Variants in RAP1GDS1 observed in about 807,000 individuals in gnomAD.
The protein encoded by RAP1GDS1 is RAP1, GTP-GDP dissociation stimulator 1.
RAP1GDS1 carries 35 observed loss-of-function variants against 71.1 expected under a neutral mutation model. The ratio of observed to expected loss-of-function variants is 0.49; its 90% CI spans 0.38 to 0.65. RAP1GDS1 has a LOEUF of 0.65. Among genes scored for constraint, RAP1GDS1 ranks in the 30% least tolerant of loss-of-function variants. The pLI, the probability that RAP1GDS1 is intolerant of heterozygous loss-of-function variation, is 0.00. For missense variants in RAP1GDS1, 663 were observed against 706.1 expected (o/e 0.94, Z 0.69); for synonymous variants, 229 against 243.1 (o/e 0.94, Z 0.54).
intron 1 of RAP1GDS1, among the ~76,000 whole-genome samples, chr4:98,289,931 G>GA (rs1726681084): frequency 6.6e-6 from 1 of 151,874 alleles, no homozygotes; most frequent in Non-Finnish European, 1.5e-5. Flanking sequence ...GATGTGGATA[G>GA]TGATGCTTTC....
intron 3 of RAP1GDS1, among the ~76,000 whole-genome samples, chr4:98,344,019 G>A (rs1460504873): frequency 2.6e-5 from 4 of 152,082 alleles, no homozygotes; most frequent in Non-Finnish European, 4.4e-5. Context: ...ATTCTTTAAA[G>A]TGAAGGAATT....
intron 9 of RAP1GDS1, among the ~76,000 whole-genome samples, chr4:98,418,160 T>C (rs972979013): frequency 6.6e-6 from 1 of 152,178 alleles, no homozygotes; most frequent in Non-Finnish European, 1.5e-5. Flanking sequence ...TTTTTGGGAG[T>C]GACTTCCTAA....
intron 1 of RAP1GDS1, among the ~76,000 whole-genome samples, chr4:98,282,836 T>C (rs990378913): frequency 6.6e-6 from 1 of 152,184 alleles, no homozygotes; most frequent in African/African-American, 2.4e-5. Flanking sequence ...TTCTCATTGG[T>C]TTCAAAGAAC....
intron 6 of RAP1GDS1, among the ~76,000 whole-genome samples, chr4:98,397,582 G>C (rs1211773893): frequency 3.3e-5 from 5 of 152,088 alleles, no homozygotes; most frequent in Non-Finnish European, 5.9e-5. Context: ...TGGGAAGAAA[G>C]GCAATAACTT....
chr4:98,355,414 A>C (rs888417983), intron 4 of RAP1GDS1, among the ~76,000 whole-genome samples: 3 of 152,136 alleles, frequency 2.0e-5, no homozygotes, highest in Admixed American at 1.3e-4. Flanking sequence ...CAAATGAATA[A>C]TTTTTTTAAC....
intron 1 of RAP1GDS1, 119 bp downstream of exon 1, chr4:98,261,688 C>A (rs1721993948): frequency 7.7e-7 from 1 of 1,305,282 alleles, no homozygotes; most frequent in Non-Finnish European, 1.1e-6. Flanking sequence ...GGGTGTGAGA[C>A]GGTGGCTGTT....
intron 1 of RAP1GDS1, among the ~76,000 whole-genome samples, chr4:98,274,953 A>G (rs1228404585): frequency 6.6e-6 from 1 of 151,702 alleles, no homozygotes; most frequent in Non-Finnish European, 1.5e-5. Context: ...TTAACTCCCC[A>G]TGGGTAACTG....
intron 1 of RAP1GDS1, among the ~76,000 whole-genome samples, chr4:98,286,274 A>G (rs1445812988): frequency 6.6e-6 from 1 of 151,856 alleles, no homozygotes; most frequent in Non-Finnish European, 1.5e-5. Flanking sequence ...CAAAAAAAAA[A>G]AAAAAAATTA....
chr4:98,269,749 G>T (rs1020751412), intron 1 of RAP1GDS1, among the ~76,000 whole-genome samples: 3 of 152,064 alleles, frequency 2.0e-5, no homozygotes, highest in Non-Finnish European at 2.9e-5. Flanking sequence ...TTGGATTTTT[G>T]GTTTCAGATT....
At chr4:98,293,287 G>C (rs988380937) in intron 1 of RAP1GDS1, 121 bp from the exon 2 acceptor site, 1 of 627,304 alleles carries the variant, frequency 1.6e-6, no homozygotes, top group East Asian at 2.9e-5. Context: ...TGGAATGTAC[G>C]TGGAGGTTAA....
At chr4:98,369,093 C>T (rs554857520) in intron 4 of RAP1GDS1, among the ~76,000 whole-genome samples, 2 of 152,200 alleles carry the variant, frequency 1.3e-5, no homozygotes, top group South Asian at 4.1e-4. Context: ...AGGGGAACTG[C>T]CCTTTATAAA....
At chr4:98,387,156 C>T (rs914886094) in intron 5 of RAP1GDS1, among the ~76,000 whole-genome samples, 4 of 152,166 alleles carry the variant, frequency 2.6e-5, no homozygotes, top group Admixed American at 6.5e-5. Context: ...TACTAATGTA[C>T]AGACTGTATT....
rs397994660 is a variant in RAP1GDS1 at position 98,443,015 on chromosome 4, A to ATTTTTTTTTTTTT, written c.*909_*921dup. 14 of 138,308 alleles carry ATTTTTTTTTTTTT rather than the reference A, an allele frequency of 1.0e-4. No homozygotes were observed. The highest frequency in any genetic ancestry group is 2.8e-4 in the African/African-American group (7 of 25,348). The allele number at this position is 138,308 out of a possible 1,614,324, so 8.6% of individuals were successfully genotyped here. A position where few individuals can be genotyped will look rare whatever the true frequency, so the allele number is the denominator to read the frequency against. ...TGAGTATAGTTCATTGAAGAATGGAATTTTTTTTTTTTTTTTTTTTTTTGC... is the reference window on the plus strand; with the variant it reads ...TGAGTATAGTTCATTGAAGAATGGAATTTTTTTTTTTTTTTTTTTTTTTTTTTTTTTTTTTTGC... On this transcript the variant is annotated 3_prime_UTR_variant, in exon 15 of 15. Coordinates refer to ENST00000408927, the MANE Select transcript of RAP1GDS1 (RefSeq NM_001100427.2).
intron 1 of RAP1GDS1, among the ~76,000 whole-genome samples, chr4:98,277,501 A>G (rs1724398460): frequency 1.3e-5 from 2 of 152,178 alleles, no homozygotes; most frequent in African/African-American, 4.8e-5. Flanking sequence ...ATTCTTCGTC[A>G]TAACACCAGT....
At chr4:98,282,151 T>G (rs1299001916) in intron 1 of RAP1GDS1, among the ~76,000 whole-genome samples, 5 of 152,234 alleles carry the variant, frequency 3.3e-5, no homozygotes, top group Admixed American at 6.5e-5. Flanking sequence ...ATTCCCTCTT[T>G]TTCTATTGAT....
In RAP1GDS1 at chr4:98,289,412, A is replaced by G. The variant is rs548545533; in HGVS notation, c.5-3996A>G. On this transcript the variant is annotated intron_variant, in intron 1 of 14. Transcript: ENST00000408927. ...TTTAGAAAAGAATTTAATTCTCACA[A>G]TTGTGAAAATGAAAGTGTGCTTGGG... is the stretch of plus-strand genomic sequence containing the variant. Among the ~76,000 whole-genome samples the G allele has an allele frequency of 8.5e-5, 13 of 152,202 alleles. No homozygotes were observed. The South Asian group carries it at 2.5e-3, about 29-fold the overall frequency.
Position 98,433,944 on chromosome 4 carries a change from T to G in RAP1GDS1, c.1449T>G (p.Ile483Met). 6.2e-7 allele frequency: 1 copy of G among 1,605,076 alleles called. No individual in the cohort carries two copies. The highest frequency in any genetic ancestry group is 8.5e-7 in the Non-Finnish European group (1 of 1,172,100). ...GATATTATTTATTGTAGGATGTAAT[T>G]AAAACCATTGTGCAGAGTGGTGGCA... ...LIRHSKSKDV[I>M]KTIVQSGGIK... Residue 483 changes from isoleucine to methionine, a missense_variant, in exon 13 of 15, where the codon ATT becomes ATG. Physicochemically the swap from Ile to Met is conservative, Grantham distance 10. Transcript: ENST00000408927.
At position 98,293,430 on chromosome 4, in the gene RAP1GDS1, G is replaced by A. The variant is rs762577172; in HGVS notation, c.27G>A (p.Lys9=). MDNLSDTL[K]KLKITAVDKT... ...CAGATAATCTCAGTGATACCTTGAA[G>A]AAGCTGAAGATAACAGCTGTTGACA... The change falls in exon 2 of 15, where the codon AAG becomes AAA. Residue 9 remains lysine, a synonymous_variant. Transcript: ENST00000408927. The A allele has an allele frequency of 1.4e-5, 23 of 1,602,824 alleles. No individual in the cohort carries two copies. The highest frequency in any genetic ancestry group is 2.0e-5 in the Non-Finnish European group (23 of 1,175,752).
intron 4 of RAP1GDS1, among the ~76,000 whole-genome samples, chr4:98,360,364 C>G (rs1345885720): frequency 6.6e-6 from 1 of 152,040 alleles, no homozygotes. Flanking sequence ...CAACCCCACC[C>G]CCATTCTCTG....
Sources: gnomAD v4.1 joint callset for allele counts (sites outside exome capture counted in the v4.1 genomes callset) on GRCh38, gnomAD v4.1.1 for gene constraint, MANE v1.5 for transcripts, NCBI Gene and HGNC (gene_info 2026-07-23, HGNC 2026-07-21) for gene names.